The following PALM2AKAP2 variants were observed in gnomAD, a reference collection of about 807,000 sequenced individuals.
PALM2AKAP2 encodes the protein PALM2 and AKAP2 fusion, also known as PALM2-AKAP2 fusion protein.
A neutral mutation model predicts 71.5 loss-of-function variants in PALM2AKAP2; 37 were observed. That is an observed-to-expected ratio of 0.52 (90% CI 0.40 to 0.68). The LOEUF (loss-of-function observed/expected upper bound fraction) is 0.68, where lower values mean the gene tolerates loss of function less well. PALM2AKAP2 is among the 30% of genes least tolerant of loss of function. The pLI, the probability that PALM2AKAP2 is intolerant of heterozygous loss-of-function variation, is 0.00. For missense variants in PALM2AKAP2, 1,224 were observed against 1,191.8 expected, an observed-to-expected ratio of 1.03 and a Z score of -0.40; for synonymous variants, 468 against 478.8, an observed-to-expected ratio of 0.98 and a Z score of 0.29.
At chr9:110,108,797 G>A (rs1297287076) in intron 1 of PALM2AKAP2, among the ~76,000 whole-genome samples, 1 of 151,980 alleles carries the variant, frequency 6.6e-6, no homozygotes, top group South Asian at 2.1e-4. Flanking sequence ...TATATTGCAC[G>A]ACAATAAAAG....
chr9:109,673,606 T>C (rs1428370990), intron 1 of PALM2AKAP2, among the ~76,000 whole-genome samples: 1 of 152,162 alleles, frequency 6.6e-6, no homozygotes, highest in East Asian at 1.9e-4. Flanking sequence ...TAGATGTCTG[T>C]CATTTCCATT....
At chr9:110,003,376 A>G (rs1008768196) in intron 6 of PALM2AKAP2, among the ~76,000 whole-genome samples, 6 of 152,070 alleles carry the variant, frequency 3.9e-5, no homozygotes, top group Non-Finnish European at 7.4e-5. Context: ...TTCTAGTTTG[A>G]TTGCACTGTG....
intron 1 of PALM2AKAP2, among the ~76,000 whole-genome samples, chr9:109,783,228 G>A (rs1826866441): frequency 6.6e-6 from 1 of 152,160 alleles, no homozygotes; most frequent in Non-Finnish European, 1.5e-5. Flanking sequence ...TCATTGGATG[G>A]TGTTGAGCAG....
intron 1 of PALM2AKAP2, among the ~76,000 whole-genome samples, chr9:109,864,721 T>C (rs559772638): frequency 2.3e-4 from 35 of 152,350 alleles, no homozygotes; most frequent in African/African-American, 7.5e-4. Context: ...ACAGAGACTG[T>C]ATGTCCCACA....
At chr9:109,936,960 C>T (rs559395111) in intron 6 of PALM2AKAP2, among the ~76,000 whole-genome samples, 1 of 152,318 alleles carries the variant, frequency 6.6e-6, no homozygotes, top group Non-Finnish European at 1.5e-5. Context: ...TTCCATCCTC[C>T]TGGAATAGTC....
intron 7 of PALM2AKAP2, among the ~76,000 whole-genome samples, chr9:110,025,755 T>C (rs1202072752): frequency 6.6e-6 from 1 of 152,206 alleles, no homozygotes; most frequent in Non-Finnish European, 1.5e-5. Flanking sequence ...TCGTATGTCA[T>C]TGTGGTTTTG....
intron 1 of PALM2AKAP2, among the ~76,000 whole-genome samples, chr9:109,767,311 C>CCCA: frequency 6.6e-6 from 1 of 152,222 alleles, no homozygotes; most frequent in Admixed American, 6.5e-5. Flanking sequence ...TCAGGGCCGC[C>CCCA]CCACCGGCCT....
At chr9:109,996,203 T>G (rs76387386) in intron 6 of PALM2AKAP2, among the ~76,000 whole-genome samples, 1 of 152,222 alleles carries the variant, frequency 6.6e-6, no homozygotes, top group East Asian at 1.9e-4. Context: ...AGGGAGCAAA[T>G]GTTAAATATG....
chr9:110,076,753 C>T (rs1834333594), intron 1 of PALM2AKAP2, among the ~76,000 whole-genome samples: 1 of 151,894 alleles, frequency 6.6e-6, no homozygotes, highest in South Asian at 2.1e-4. Flanking sequence ...TATGGAAGAC[C>T]AGCTAGACAA....
rs146760077 is a variant in PALM2AKAP2, at chr9:110,011,555, A to G, written c.497-4399A>G. Among the ~76,000 whole-genome samples, 34 of 152,324 alleles carry G rather than the reference A, an allele frequency of 2.2e-4. No individual in the cohort carries two copies. In the East Asian group the frequency reaches 6.5e-3, roughly 29 times the overall value. On this transcript the variant is annotated intron_variant, in intron 6 of 9. Transcript: ENST00000302798. ...ATCCTCCTACCCACTGGTCCAATGC[A>G]TTACATGTTGGCAGAATGGAAATCA...
chr9:109,644,257 CACA>C (rs1305900879), intron 1 of PALM2AKAP2, among the ~76,000 whole-genome samples: 3 of 152,184 alleles, frequency 2.0e-5, no homozygotes, highest in South Asian at 2.1e-4. Flanking sequence ...CCTTGGGTCT[CACA>C]ACATTTCCCT....
At chr9:109,719,994 C>CT (rs111446618) in intron 1 of PALM2AKAP2, among the ~76,000 whole-genome samples, 421 of 145,944 alleles carry the variant, frequency 2.9e-3, no homozygotes, top group African/African-American at 8.6e-3. Flanking sequence ...ATTTTTATTC[C>CT]TTTTTTTTTT....
chr9:109,644,965 TC>T (rs1288063594), intron 1 of PALM2AKAP2, among the ~76,000 whole-genome samples: 1 of 152,208 alleles, frequency 6.6e-6, no homozygotes, highest in African/African-American at 2.4e-5. Context: ...TTTCCTGTCT[TC>T]TTCTGAGCCC....
intron 1 of PALM2AKAP2, among the ~76,000 whole-genome samples, chr9:110,134,654 A>G (rs1835806692): frequency 6.6e-6 from 1 of 152,208 alleles, no homozygotes; most frequent in Non-Finnish European, 1.5e-5. Context: ...CAAATCCATA[A>G]TTATCCACTT....
chr9:110,096,426 A>AATTTATTTATTTATTTATTT (rs71373967), intron 1 of PALM2AKAP2, among the ~76,000 whole-genome samples: 2,082 of 149,476 alleles, frequency 0.014, 47 homozygotes, highest in African/African-American at 0.041. Context: ...ATTATGCCTG[A>AATTTATTTATTTATTTATTT]ATTTATTTAT....
chr9:110,156,747 G>A (rs1836467826), intron 3 of PALM2AKAP2, among the ~76,000 whole-genome samples: 1 of 152,212 alleles, frequency 6.6e-6, no homozygotes, highest in African/African-American at 2.4e-5. Context: ...CGACCAGCAA[G>A]GCTAGTGTGT....
chr9:109,694,839 T>C (rs551975963), intron 1 of PALM2AKAP2, among the ~76,000 whole-genome samples: 1 of 151,854 alleles, frequency 6.6e-6, no homozygotes, highest in Non-Finnish European at 1.5e-5. Context: ...AAAAAGTCAA[T>C]GAAAAAGAAA....
chr9:110,102,729 A>G (rs1452298040), intron 1 of PALM2AKAP2, among the ~76,000 whole-genome samples: 1 of 152,164 alleles, frequency 6.6e-6, no homozygotes, highest in Non-Finnish European at 1.5e-5. Flanking sequence ...AAACAAGACC[A>G]CGTCATTCCC....
chr9:109,789,788 T>G (rs111269229), intron 1 of PALM2AKAP2, among the ~76,000 whole-genome samples: 1 of 152,122 alleles, frequency 6.6e-6, no homozygotes, highest in Admixed American at 6.5e-5. Flanking sequence ...GAGGGTGGTG[T>G]GGGGCAGTGC....
Sources: gnomAD v4.1 joint callset for allele counts (sites outside exome capture counted in the v4.1 genomes callset) on GRCh38, gnomAD v4.1.1 for gene constraint, MANE v1.5 for transcripts, NCBI Gene and HGNC (gene_info 2026-07-23, HGNC 2026-07-21) for gene names.